The following PCDHGA3 variants were observed in gnomAD, a reference collection of about 807,000 sequenced individuals.
PCDHGA3 encodes the protein protocadherin gamma subfamily A, 3.
Under a neutral mutation model 58.5 loss-of-function variants are expected in PCDHGA3, and 40 were observed. The ratio of observed to expected loss-of-function variants is 0.68; its 90% CI spans 0.53 to 0.89. The LOEUF (loss-of-function observed/expected upper bound fraction) is 0.89. Ranked by LOEUF, PCDHGA3 falls within the 40% of genes least tolerant of loss-of-function variation. The pLI is 0.00. For synonymous variants in PCDHGA3, 530 were observed against 525.7 expected (o/e 1.01, Z -0.11); for missense variants, 1,223 against 1,195.9 (o/e 1.02, Z -0.33).
At position 141,470,874 on chromosome 5, in the gene PCDHGA3, T is replaced by G. The variant is rs146599745; in HGVS notation, c.2425-23933T>G. ...AGATAAGTTTTTTGTTTGTTTGTTT[T>G]TTTGTTTTTGTTTTTGTTTTTTGTA... On this transcript the variant is annotated intron_variant, in intron 1 of 3. Coordinates refer to ENST00000253812, the MANE Select transcript of PCDHGA3 (RefSeq NM_018916.4). 1.4e-3 allele frequency among the ~76,000 whole-genome samples: 218 copies of G among 151,820 alleles called. 1 individual carries two copies. Among genetic ancestry groups the G allele is most frequent in the Middle Eastern group, 0.01 (3 of 294 alleles).
intron 1 of PCDHGA3, among the ~76,000 whole-genome samples, chr5:141,445,180 GT>G (rs745433969): frequency 6.6e-6 from 1 of 152,148 alleles, no homozygotes; most frequent in Non-Finnish European, 1.5e-5. Flanking sequence ...GAAAAACTAT[GT>G]TTTTATGTAT....
rs189127761 is a variant in PCDHGA3 at position 141,385,037 on chromosome 5, C to A, written c.2424+38580C>A. Reference sequence around the variant, plus strand: ...CTAGCCTTCGTCCTCGTACTGCTGGCGCTCAGGCTGCGGCGCTGGCACAAG... The same window carrying A: ...CTAGCCTTCGTCCTCGTACTGCTGGAGCTCAGGCTGCGGCGCTGGCACAAG... On this transcript the variant is annotated intron_variant, in intron 1 of 3. Transcript: ENST00000253812. The A allele has an allele frequency of 5.8e-5, 93 of 1,614,148 alleles. No individual in the cohort carries two copies. In the East Asian group the frequency reaches 1.7e-3, roughly 30 times the overall value.
At chr5:141,374,467 C>A (rs1430397717) in intron 1 of PCDHGA3, 1 of 1,612,694 alleles carries the variant, frequency 6.2e-7, no homozygotes, top group Admixed American at 1.7e-5. Flanking sequence ...ACATTAATGA[C>A]AATACACCCC....
intron 1 of PCDHGA3, chr5:141,393,455 C>T (rs1007871650): frequency 2.1e-5 from 34 of 1,613,942 alleles, no homozygotes; most frequent in Non-Finnish European, 2.9e-5. Flanking sequence ...TCCTCACGGC[C>T]TCGGATGGCG....
chr5:141,384,374 C>A, intron 1 of PCDHGA3: 1 of 1,613,920 alleles, frequency 6.2e-7, no homozygotes, highest in Non-Finnish European at 8.5e-7. Flanking sequence ...TATTCCTTGG[C>A]CGAAGACACC....
chr5:141,357,653 C>A (rs1478258336), intron 1 of PCDHGA3: 2 of 1,607,882 alleles, frequency 1.2e-6, no homozygotes, highest in Non-Finnish European at 1.7e-6. Context: ...TCATACCACA[C>A]TGAAATATAG....
intron 1 of PCDHGA3, chr5:141,357,842 G>T: frequency 1.6e-6 from 1 of 624,650 alleles, no homozygotes; most frequent in Non-Finnish European, 2.7e-6. Context: ...TTCAGTTGTA[G>T]TTTCAGCCAG....
intron 1 of PCDHGA3, chr5:141,370,596 G>T: frequency 6.2e-7 from 1 of 1,613,936 alleles, no homozygotes. Context: ...GAACCTGCGG[G>T]TTATTGCAGA....
chr5:141,363,164 T>A (rs113012267), intron 1 of PCDHGA3, among the ~76,000 whole-genome samples: 2 of 152,380 alleles, frequency 1.3e-5, no homozygotes, highest in South Asian at 2.1e-4. Context: ...AATCATTCTC[T>A]AACATGCATT....
At chr5:141,352,280 C>T in intron 1 of PCDHGA3, 3 of 1,614,072 alleles carry the variant, frequency 1.9e-6, no homozygotes, top group Non-Finnish European at 2.5e-6. Flanking sequence ...CCTCAGCGAC[C>T]GCCCTGAGCC....
intron 1 of PCDHGA3, chr5:141,423,905 G>T: frequency 7.9e-7 from 1 of 1,273,594 alleles, no homozygotes; most frequent in Non-Finnish European, 9.9e-7. Flanking sequence ...GATTTCAAAG[G>T]GGCCATTCAA....
Position 141,491,205 on chromosome 5 carries a change from A to G in PCDHGA3, c.2425-3602A>G, listed in dbSNP as rs2233609. 2,395 of 1,613,578 alleles carry G rather than the reference A, an allele frequency of 1.5e-3. 36 individuals are homozygous for G. The African/African-American group carries it at 0.028, about 19-fold the overall frequency. On this transcript the variant is annotated intron_variant, in intron 1 of 3. Coordinates refer to ENST00000253812, the MANE Select transcript of PCDHGA3 (RefSeq NM_018916.4). This position sits in a 1 kb window ranked among gnomAD's most constrained non-coding sequence, Gnocchi z 6.9. The stretch of plus-strand genomic sequence containing the variant: ...TGGTGAGGGACAATGGTGACCCTTC[A>G]CTCTCCTCCACAGCCACAGTGCTGC...
intron 1 of PCDHGA3, chr5:141,433,338 T>G (rs2097583623): frequency 3.1e-6 from 2 of 651,932 alleles, no homozygotes; most frequent in South Asian, 4.0e-5. Context: ...GGACTACAGG[T>G]GCAAGCCACC....
At chr5:141,382,585 A>C (rs543954739) in intron 1 of PCDHGA3, among the ~76,000 whole-genome samples, 8 of 152,250 alleles carry the variant, frequency 5.3e-5, no homozygotes, top group Non-Finnish European at 1.0e-4. Context: ...GGAAATTTTG[A>C]AAGATGAAAC....
At position 141,490,646 on chromosome 5, in the gene PCDHGA3, C is replaced by G. The variant is rs202183643; in HGVS notation, c.2425-4161C>G. The G allele has an allele frequency of 8.7e-6, 14 of 1,614,068 alleles. No homozygotes were observed. In the African/African-American group the frequency reaches 1.7e-4, roughly 20 times the overall value. ...GCTTACATCCTAGAAAACCGGCCTC[C>G]GGGCTCCCTTCTTTGCACTGTGGCT... On this transcript the variant is annotated intron_variant, in intron 1 of 3. Coordinates refer to ENST00000253812, the MANE Select transcript of PCDHGA3 (RefSeq NM_018916.4). This position sits in a 1 kb window ranked among gnomAD's most constrained non-coding sequence, Gnocchi z 5.4.
intron 1 of PCDHGA3, chr5:141,413,488 C>T (rs2095648022): frequency 3.1e-6 from 5 of 1,613,868 alleles, no homozygotes; most frequent in Non-Finnish European, 3.4e-6. Context: ...TCAGAGCGCG[C>T]GGTGCGTGGT....
At chr5:141,420,027 C>T in intron 1 of PCDHGA3, 3 of 1,614,082 alleles carry the variant, frequency 1.9e-6, no homozygotes, top group Non-Finnish European at 2.5e-6. Flanking sequence ...AGCCCTACTG[C>T]AGGAGACTGC....
chr5:141,375,818 C>A, intron 1 of PCDHGA3: 2 of 1,614,200 alleles, frequency 1.2e-6, no homozygotes, highest in Non-Finnish European at 1.7e-6. Flanking sequence ...GGAGCTGGCG[C>A]CCCGCTCCGC....
intron 1 of PCDHGA3, chr5:141,394,820 C>T (rs1480144579): frequency 5.6e-6 from 9 of 1,613,748 alleles, no homozygotes; most frequent in African/African-American, 1.3e-5. Flanking sequence ...ACAGCATCCC[C>T]GAAGTCCTGA....
Sources: gnomAD v4.1 joint callset for allele counts (sites outside exome capture counted in the v4.1 genomes callset) on GRCh38, gnomAD v4.1.1 for gene constraint, Gnocchi (gnomAD v3.1) non-coding constraint, MANE v1.5 for transcripts, NCBI Gene and HGNC (gene_info 2026-07-23, HGNC 2026-07-21) for gene names.